TDP1: variants seen among roughly 807,000 people sequenced by gnomAD.
TDP1 encodes the protein tyrosyl-DNA phosphodiesterase 1, also known as tyr-DNA phosphodiesterase 1.
In TDP1, 64 loss-of-function variants were observed where a neutral mutation model predicts 81.5. That is an observed-to-expected ratio of 0.79 (90% CI 0.64 to 0.97). The LOEUF (loss-of-function observed/expected upper bound fraction) is 0.97, where lower values mean the gene tolerates loss of function less well. Among genes scored for constraint, TDP1 ranks in the 50% least tolerant of loss-of-function variants. The pLI is 0.00. For missense variants in TDP1, 723 were observed against 743.8 expected (o/e 0.97, Z 0.33); for synonymous variants, 256 against 264.3 (o/e 0.97, Z 0.30).
chr14:90,019,372 T>C lies in TDP1; in HGVS notation c.1598T>C (p.Met533Thr). Residue 533 changes from methionine to threonine, a missense_variant, in exon 15 of 17, where the codon ATG (methionine) becomes ACG (threonine). By Grantham distance (81) the Met-to-Thr change is moderately conservative (BLOSUM62 -1). Transcript: ENST00000335725. ...TTGGAGAAGAATGGCACCCAGCTGA[T>C]GATCCGCTCCTACGAGCTCGGGGTC... The part of the protein sequence containing the change: ...GALEKNGTQL[M>T]IRSYELGVLF... 1 of 1,613,378 alleles carries C rather than the reference T, an allele frequency of 6.2e-7. No homozygotes were observed. The highest frequency in any genetic ancestry group is 1.1e-5 in the South Asian group (1 of 91,082).
At chr14:90,035,890 T>C (rs1887774740) in intron 16 of TDP1, among the ~76,000 whole-genome samples, 1 of 151,638 alleles carries the variant, frequency 6.6e-6, no homozygotes, top group Non-Finnish European at 1.5e-5. Context: ...TCTTTAGTCC[T>C]AATCTTCAAA....
chr14:89,967,332 C>A, intron 4 of TDP1, 35 bp from the exon 5 acceptor site: 1 of 1,603,542 alleles, frequency 6.2e-7, no homozygotes, highest in South Asian at 1.1e-5. Context: ...GCAGAATTAC[C>A]TATGGCTTAG....
chr14:90,001,117 G>A (rs980567881), intron 14 of TDP1, among the ~76,000 whole-genome samples: 16 of 152,154 alleles, frequency 1.1e-4, no homozygotes, highest in African/African-American at 3.6e-4. Context: ...CATAAGTAGA[G>A]GATGTTGACT....
At chr14:90,005,446 C>T (rs1248913129) in intron 14 of TDP1, among the ~76,000 whole-genome samples, 1 of 152,156 alleles carries the variant, frequency 6.6e-6, no homozygotes, top group Non-Finnish European at 1.5e-5. Context: ...GATCATCTCC[C>T]AAGGCCCATT....
chr14:89,988,200 G>A (rs1400850271), intron 10 of TDP1, among the ~76,000 whole-genome samples: 1 of 152,208 alleles, frequency 6.6e-6, no homozygotes, highest in Non-Finnish European at 1.5e-5. Flanking sequence ...GCAGCCCGCA[G>A]GTGTTCAGCT....
intron 15 of TDP1, among the ~76,000 whole-genome samples, chr14:90,028,487 A>G (rs1256983287): frequency 6.6e-6 from 1 of 152,228 alleles, no homozygotes; most frequent in African/African-American, 2.4e-5. Flanking sequence ...AAAAGCCAGC[A>G]ATTTCTCATG....
chr14:90,037,292 T>C (rs900530178), intron 16 of TDP1, among the ~76,000 whole-genome samples: 1 of 152,204 alleles, frequency 6.6e-6, no homozygotes, highest in South Asian at 2.1e-4. Context: ...TATATTCACT[T>C]TGTTATCTTA....
intron 16 of TDP1, among the ~76,000 whole-genome samples, chr14:90,040,493 G>A (rs916929286): frequency 1.2e-4 from 19 of 152,216 alleles, no homozygotes; most frequent in African/African-American, 4.6e-4. Flanking sequence ...CACAGATGTG[G>A]AAAAGGTCAG....
At chr14:90,019,671 A>G (rs1323055213) in intron 15 of TDP1, among the ~76,000 whole-genome samples, 1 of 152,188 alleles carries the variant, frequency 6.6e-6, no homozygotes, top group South Asian at 2.1e-4. Flanking sequence ...CAGCGAAATT[A>G]ATAACATTTA....
At chr14:90,003,560 G>A (rs1825967784) in intron 14 of TDP1, among the ~76,000 whole-genome samples, 1 of 152,214 alleles carries the variant, frequency 6.6e-6, no homozygotes, top group South Asian at 2.1e-4. Flanking sequence ...GCAGGAGGAA[G>A]ATGAGGTTTA....
intron 16 of TDP1, among the ~76,000 whole-genome samples, chr14:90,034,421 C>G (rs1347347334): frequency 6.6e-6 from 1 of 152,214 alleles, no homozygotes; most frequent in Non-Finnish European, 1.5e-5. Flanking sequence ...AAGTATCTTT[C>G]ACAGTAGAAA....
intron 6 of TDP1, among the ~76,000 whole-genome samples, chr14:89,974,662 G>A (rs906516648): frequency 6.6e-6 from 1 of 152,164 alleles, no homozygotes; most frequent in Admixed American, 6.5e-5. Flanking sequence ...CCGTTGCTCA[G>A]CATTTTACAT....
chr14:89,973,849 G>T (rs1285008433), intron 6 of TDP1, among the ~76,000 whole-genome samples: 1 of 152,152 alleles, frequency 6.6e-6, no homozygotes, highest in Non-Finnish European at 1.5e-5. Flanking sequence ...GTGCCAGTCA[G>T]TTCAGTTCCA....
At chr14:90,022,843 C>A in intron 15 of TDP1, 1 of 819,292 alleles carries the variant, frequency 1.2e-6, no homozygotes, top group Non-Finnish European at 1.5e-6. Flanking sequence ...TTTGTCGTTT[C>A]GCTGAGTTTA....
intron 15 of TDP1, among the ~76,000 whole-genome samples, chr14:90,023,806 G>A (rs1886354528): frequency 6.6e-6 from 1 of 151,972 alleles, no homozygotes; most frequent in African/African-American, 2.4e-5. Flanking sequence ...TGAGTAGCTG[G>A]GACTACAAGT....
At chr14:90,007,803 A>G (rs980479176) in intron 14 of TDP1, among the ~76,000 whole-genome samples, 1 of 151,354 alleles carries the variant, frequency 6.6e-6, no homozygotes, top group East Asian at 1.9e-4. Flanking sequence ...GGGTCTCACT[A>G]TGTTGCTGTT....
intron 6 of TDP1, among the ~76,000 whole-genome samples, chr14:89,973,111 A>G (rs952226146): frequency 6.6e-6 from 1 of 152,206 alleles, no homozygotes; most frequent in Non-Finnish European, 1.5e-5. Flanking sequence ...AACCCACTGC[A>G]CTTTATAGAG....
chr14:89,994,766 A>C (rs1896520059), intron 14 of TDP1, among the ~76,000 whole-genome samples: 1 of 152,220 alleles, frequency 6.6e-6, no homozygotes, highest in African/African-American at 2.4e-5. Flanking sequence ...AGATCAGCTA[A>C]ACTAAGTAAA....
chr14:90,033,907 A>T (rs1887563137), intron 16 of TDP1, among the ~76,000 whole-genome samples: 1 of 152,060 alleles, frequency 6.6e-6, no homozygotes, highest in African/African-American at 2.4e-5. Flanking sequence ...GTAAAAAAAA[A>T]TTTGTTTTAA....
Sources: gnomAD v4.1 joint callset for allele counts (sites outside exome capture counted in the v4.1 genomes callset) on GRCh38, gnomAD v4.1.1 for gene constraint, MANE v1.5 for transcripts, NCBI Gene and HGNC (gene_info 2026-07-23, HGNC 2026-07-21) for gene names.